DGKG: variants seen among roughly 807,000 people sequenced by gnomAD.
DGKG encodes DAG kinase gamma.
In DGKG, 78 loss-of-function variants were observed where a neutral mutation model predicts 105.3. The observed-to-expected ratio is 0.74, with a 90% confidence interval of 0.62 to 0.89. DGKG has a LOEUF of 0.89. DGKG is among the 40% of genes least tolerant of loss of function. DGKG has a pLI of 0.00. For missense variants in DGKG, 958 were observed against 1,020.1 expected (o/e 0.94, Z 0.83); for synonymous variants, 346 against 367.1 (o/e 0.94, Z 0.66).
chr3:186,245,444 C>G (rs1486737578), intron 19 of DGKG, among the ~76,000 whole-genome samples: 1 of 152,162 alleles, frequency 6.6e-6, no homozygotes, highest in Admixed American at 6.5e-5. Context: ...AGGCAATGAC[C>G]TGAGCATATT....
intron 2 of DGKG, among the ~76,000 whole-genome samples, chr3:186,310,284 A>AAAG (rs1553818173): frequency 6.7e-6 from 1 of 149,608 alleles, no homozygotes; most frequent in African/African-American, 2.4e-5. Context: ...AAAAAAAAAA[A>AAAG]AAAAACCACA....
Position 186,147,391 on chromosome 3 carries a change from A to C in DGKG, c.*2699T>G. Reference sequence around the variant, plus strand: ...TTCTCCTCATTGAGATCGAGATAATAATACCTTCTCTGCTAACCTCAGAGG... The same window carrying C: ...TTCTCCTCATTGAGATCGAGATAATCATACCTTCTCTGCTAACCTCAGAGG... On this transcript the variant is annotated 3_prime_UTR_variant, in exon 25 of 25. Coordinates refer to ENST00000265022, the MANE Select transcript of DGKG (RefSeq NM_001346.3). 1.0e-6 allele frequency: 1 copy of C among 979,602 alleles called. No homozygotes were observed. Among genetic ancestry groups the C allele is most frequent in the Non-Finnish European group, 1.2e-6 (1 of 824,314 alleles). 60.7% of individuals were successfully genotyped at this position (979,602 alleles called of 1,614,324 possible).
rs1316725886 is a variant in DGKG at position 186,226,944 on chromosome 3, G to C, written c.1827-15059C>G. On this transcript the variant is annotated intron_variant, in intron 20 of 24. Transcript: ENST00000265022. The surrounding 1 kb of genome is among the most constrained non-coding windows in gnomAD (Gnocchi z 4.2). ...TCATTGAAGAGCATTAGAAGATTGG[G>C]AAAATGCCTTCTTAGTAAAATATGA... 6.6e-6 allele frequency among the ~76,000 whole-genome samples: 1 copy of C among 152,140 alleles called. No individual in the cohort carries two copies. Among genetic ancestry groups the C allele is most frequent in the African/African-American group, 2.4e-5 (1 of 41,430 alleles).
chr3:186,211,742 G>A, intron 21 of DGKG, 53 bp downstream of exon 21: 1 of 1,326,444 alleles, frequency 7.5e-7, no homozygotes, highest in South Asian at 1.2e-5. Flanking sequence ...ATGTGTGACA[G>A]TCCAGGAGCA....
chr3:186,159,131 T>A (rs994238961), intron 24 of DGKG: 2 of 151,238 alleles, frequency 1.3e-5, no homozygotes, highest in African/African-American at 4.9e-5. Flanking sequence ...ATTTTTCTTT[T>A]ATATATATAT....
chr3:186,338,166 T>G (rs1287367062), intron 1 of DGKG, among the ~76,000 whole-genome samples: 1 of 115,878 alleles, frequency 8.6e-6, no homozygotes, highest in East Asian at 2.4e-4. Context: ...TGAGACCCTA[T>G]CTCAAAAAAA....
intron 17 of DGKG, among the ~76,000 whole-genome samples, chr3:186,256,841 C>T (rs978133392): frequency 6.6e-6 from 1 of 152,220 alleles, no homozygotes; most frequent in Non-Finnish European, 1.5e-5. Flanking sequence ...GATCTCCATG[C>T]CAATGTTGTC....
intron 5 of DGKG, among the ~76,000 whole-genome samples, chr3:186,295,536 A>G (rs1463593741): frequency 1.3e-5 from 2 of 148,546 alleles, no homozygotes; most frequent in Non-Finnish European, 3.0e-5. Context: ...TAGTAATAAT[A>G]ATAATAATAA....
chr3:186,306,123 T>C (rs765109436), intron 3 of DGKG, among the ~76,000 whole-genome samples: 1 of 152,070 alleles, frequency 6.6e-6, no homozygotes, highest in Non-Finnish European at 1.5e-5. Flanking sequence ...GACTAGTGAT[T>C]TGAGTGGAAG....
At chr3:186,301,106 C>T (rs1251445262) in intron 3 of DGKG, among the ~76,000 whole-genome samples, 1 of 152,218 alleles carries the variant, frequency 6.6e-6, no homozygotes, top group African/African-American at 2.4e-5. Flanking sequence ...TGTTCTTCTG[C>T]AACATCTGTC....
At chr3:186,342,368 C>A (rs1293992907) in intron 1 of DGKG, among the ~76,000 whole-genome samples, 1 of 152,116 alleles carries the variant, frequency 6.6e-6, no homozygotes, top group East Asian at 1.9e-4. Flanking sequence ...AGGGTGGATT[C>A]TTAGCCACTG....
intron 2 of DGKG, among the ~76,000 whole-genome samples, chr3:186,307,582 A>G (rs1286308783): frequency 6.6e-6 from 1 of 152,134 alleles, no homozygotes; most frequent in African/African-American, 2.4e-5. Context: ...TGTTATAATT[A>G]TTTATTAACT....
At chr3:186,308,685 A>G (rs185809104) in intron 2 of DGKG, among the ~76,000 whole-genome samples, 71 of 152,372 alleles carry the variant, frequency 4.7e-4, no homozygotes, top group Admixed American at 1.4e-3. Context: ...CTGAAATTCA[A>G]AACAGATGTT....
At position 186,257,849 on chromosome 3, in the gene DGKG, C is replaced by A; in HGVS notation, c.1510+5G>T. On this transcript the variant is annotated splice_donor_5th_base_variant and intron_variant, in intron 17 of 24. Coordinates refer to ENST00000265022, the MANE Select transcript of DGKG (RefSeq NM_001346.3). ...GCAGCAAACGCCCTCTCAGCCCATG[C>A]TTACCAATGCAATCCAAAATCCAGC... is the stretch of plus-strand genomic sequence containing the variant. 1 of 1,611,986 alleles carries A rather than the reference C, an allele frequency of 6.2e-7. No homozygotes were observed. The highest frequency in any genetic ancestry group is 2.2e-5 in the East Asian group (1 of 44,854).
At chr3:186,303,311 T>A (rs1449157793) in intron 3 of DGKG, among the ~76,000 whole-genome samples, 2 of 152,160 alleles carry the variant, frequency 1.3e-5, no homozygotes, top group African/African-American at 4.8e-5. Context: ...CTATGAGGCA[T>A]GCTGGCAATT....
intron 1 of DGKG, among the ~76,000 whole-genome samples, chr3:186,326,390 C>T (rs1051082538): frequency 6.7e-6 from 1 of 149,674 alleles, no homozygotes; most frequent in Admixed American, 6.6e-5. Flanking sequence ...CAGAGTGAGA[C>T]ACTGTCTTAA....
intron 3 of DGKG, among the ~76,000 whole-genome samples, chr3:186,304,658 T>C (rs112165965): frequency 0.011 from 1,665 of 152,300 alleles, 34 homozygotes; most frequent in African/African-American, 0.038. Flanking sequence ...AGAGGGATAA[T>C]AATAGGTACA....
intron 20 of DGKG, among the ~76,000 whole-genome samples, chr3:186,221,360 G>GA (rs139238381): frequency 0.078 from 11,867 of 152,198 alleles, 623 homozygotes; most frequent in Non-Finnish European, 0.12. Flanking sequence ...AAGAAAGAAA[G>GA]AAAAAACCCT....
chr3:186,200,474 G>A (rs762534585), intron 21 of DGKG, among the ~76,000 whole-genome samples: 5 of 152,166 alleles, frequency 3.3e-5, no homozygotes, highest in Non-Finnish European at 5.9e-5. Flanking sequence ...GAAAAGTAGT[G>A]AGCTTCCTAT....
Sources: allele counts gnomAD v4.1 joint callset (sites outside exome capture counted in the v4.1 genomes callset), GRCh38; gene constraint gnomAD v4.1.1; non-coding constraint Gnocchi (gnomAD v3.1); transcripts MANE v1.5; gene names NCBI Gene and HGNC (gene_info 2026-07-23, HGNC 2026-07-21).